The following APBB1IP variants were observed in gnomAD, a reference collection of about 807,000 sequenced individuals.
The protein encoded by APBB1IP is amyloid beta precursor protein binding family B member 1 interacting protein.
A neutral mutation model predicts 64.9 loss-of-function variants in APBB1IP; 27 were observed. The ratio of observed to expected loss-of-function variants is 0.42; its 90% CI spans 0.31 to 0.57. The LOEUF is 0.57. APBB1IP is among the 20% of genes least tolerant of loss of function. The pLI is 0.20. For synonymous variants in APBB1IP, 392 were observed against 331.0 expected (o/e 1.18, Z -2.00); for missense variants, 812 against 845.5 (o/e 0.96, Z 0.49).
intron 6 of APBB1IP, among the ~76,000 whole-genome samples, chr10:26,509,011 A>G (rs1836219490): frequency 6.6e-6 from 1 of 152,238 alleles, no homozygotes; most frequent in East Asian, 1.9e-4. Flanking sequence ...TCTAAGCCTT[A>G]ACATTGGTAG....
chr10:26,542,005 A>C (rs547105624), intron 11 of APBB1IP, among the ~76,000 whole-genome samples: 11 of 152,238 alleles, frequency 7.2e-5, no homozygotes, highest in Non-Finnish European at 1.6e-4. Flanking sequence ...TATTGGGCTC[A>C]TTCCACCATA....
At chr10:26,531,234 G>A (rs1461642964) in intron 8 of APBB1IP, among the ~76,000 whole-genome samples, 3 of 152,118 alleles carry the variant, frequency 2.0e-5, no homozygotes, top group African/African-American at 7.2e-5. Flanking sequence ...TACTTGGGAG[G>A]ATGAGGAAGG....
At chr10:26,480,436 A>G (rs1835821636) in intron 2 of APBB1IP, among the ~76,000 whole-genome samples, 1 of 152,108 alleles carries the variant, frequency 6.6e-6, no homozygotes, top group African/African-American at 2.4e-5. Flanking sequence ...GTGAGGAGGA[A>G]AACCAGGAAA....
chr10:26,452,324 C>G (rs919237685), intron 2 of APBB1IP, among the ~76,000 whole-genome samples: 1 of 152,146 alleles, frequency 6.6e-6, no homozygotes, highest in African/African-American at 2.4e-5. Flanking sequence ...AGTATATTTA[C>G]AAGTACATGG....
At chr10:26,560,376 GA>G (rs1165789083) in intron 12 of APBB1IP, among the ~76,000 whole-genome samples, 173 bp downstream of exon 12, 1 of 152,134 alleles carries the variant, frequency 6.6e-6, no homozygotes, top group African/African-American at 2.4e-5. Context: ...ATAGAAACAC[GA>G]ACCTCTCCAG....
chr10:26,557,038 T>C (rs1381697577), intron 11 of APBB1IP, among the ~76,000 whole-genome samples: 1 of 152,194 alleles, frequency 6.6e-6, no homozygotes, highest in Non-Finnish European at 1.5e-5. Context: ...TTTAGTATAT[T>C]TTTCATCAAT....
At chr10:26,503,566 T>C (rs1836133610) in intron 6 of APBB1IP, among the ~76,000 whole-genome samples, 1 of 151,700 alleles carries the variant, frequency 6.6e-6, no homozygotes, top group Admixed American at 6.6e-5. Context: ...ACCCAGGAGG[T>C]GGAGGTTGCA....
At chr10:26,492,810 G>T (rs1332854632) in intron 3 of APBB1IP, among the ~76,000 whole-genome samples, 1 of 152,196 alleles carries the variant, frequency 6.6e-6, no homozygotes, top group Non-Finnish European at 1.5e-5. Context: ...GGAGAAACTA[G>T]AATTATTAAT....
intron 8 of APBB1IP, among the ~76,000 whole-genome samples, chr10:26,532,347 G>A (rs1028248033): frequency 4.6e-5 from 7 of 152,056 alleles, no homozygotes; most frequent in African/African-American, 7.3e-5. Context: ...TTGAGTGCTC[G>A]TGATTTTTTG....
chr10:26,558,152 C>G (rs1216588225), intron 11 of APBB1IP, among the ~76,000 whole-genome samples: 1 of 151,600 alleles, frequency 6.6e-6, no homozygotes, highest in East Asian at 1.9e-4. Flanking sequence ...CACACACACA[C>G]ACACACACAC....
At chr10:26,516,667 C>T (rs966130775) in intron 8 of APBB1IP, among the ~76,000 whole-genome samples, 2 of 151,804 alleles carry the variant, frequency 1.3e-5, no homozygotes, top group Admixed American at 6.6e-5. Flanking sequence ...GTATTCCTCT[C>T]GCACTCAGTA....
At position 26,459,213 on chromosome 10, in the gene APBB1IP, G is replaced by A. The variant is rs369474886; in HGVS notation, c.-1+20360G>A. ...TGTTTGGTTTTTTGTCCTTGTGACA[G>A]TTTACTGAGAATGATGATTTCCAAT... On this transcript the variant is annotated intron_variant, in intron 2 of 14. Transcript: ENST00000376236. Among the ~76,000 whole-genome samples the A allele has an allele frequency of 1.4e-4, 21 of 151,264 alleles. No homozygotes were observed. The East Asian group carries it at 3.1e-3, about 23-fold the overall frequency.
intron 8 of APBB1IP, among the ~76,000 whole-genome samples, chr10:26,527,448 G>A (rs1251489650): frequency 6.6e-6 from 1 of 151,566 alleles, no homozygotes; most frequent in East Asian, 2.0e-4. Flanking sequence ...TCAAGAGGCT[G>A]AGGTGGGAGG....
chr10:26,476,466 GAAGAAAAGAA>G (rs556114328), intron 2 of APBB1IP, among the ~76,000 whole-genome samples: 1 of 91,422 alleles, frequency 1.1e-5, no homozygotes. Flanking sequence ...AAAAAAAAAA[GAAGAAAAGAA>G]AAGAAAGGAA....
intron 2 of APBB1IP, among the ~76,000 whole-genome samples, chr10:26,439,822 A>G (rs558441025): frequency 6.6e-6 from 1 of 152,294 alleles, no homozygotes; most frequent in Admixed American, 6.5e-5. Context: ...GGTACTAGCT[A>G]CTATTCATTT....
At chr10:26,564,410 A>G (rs1040784967) in intron 14 of APBB1IP, among the ~76,000 whole-genome samples, 6 of 152,236 alleles carry the variant, frequency 3.9e-5, no homozygotes, top group Non-Finnish European at 8.8e-5. Context: ...TCACATATTT[A>G]TCTCATTTGA....
chr10:26,494,909 A>G (rs746988090), intron 3 of APBB1IP, among the ~76,000 whole-genome samples: 3 of 152,198 alleles, frequency 2.0e-5, no homozygotes, highest in Admixed American at 1.3e-4. Context: ...TTTAGATTCT[A>G]TGAAAGAAGG....
intron 2 of APBB1IP, among the ~76,000 whole-genome samples, chr10:26,481,019 G>A (rs979199096): frequency 6.6e-6 from 1 of 151,812 alleles, no homozygotes; most frequent in African/African-American, 2.4e-5. Flanking sequence ...GTCACAGTAG[G>A]TCCTAAATAC....
chr10:26,455,516 A>AC lies in APBB1IP; in HGVS notation c.-1+16663_-1+16664insC, dbSNP rs1009460991. Among the ~76,000 whole-genome samples the AC allele has an allele frequency of 6.7e-5, 10 of 148,814 alleles. No homozygotes were observed. The East Asian group carries it at 9.9e-4, about 15-fold the overall frequency. ...GCACTCCAGCCTGGGTGACAGAACAAAAAAAAAAAAGAATAATAATAATAA... is the reference window on the plus strand; with the variant it reads ...GCACTCCAGCCTGGGTGACAGAACAACAAAAAAAAAAGAATAATAATAATAA... On this transcript the variant is annotated intron_variant, in intron 2 of 14. Transcript: ENST00000376236.
Sources: gnomAD v4.1 joint callset for allele counts (sites outside exome capture counted in the v4.1 genomes callset) on GRCh38, gnomAD v4.1.1 for gene constraint, MANE v1.5 for transcripts, NCBI Gene and HGNC (gene_info 2026-07-23, HGNC 2026-07-21) for gene names.